Variants in PREX1 observed in about 807,000 individuals in gnomAD.
PREX1 encodes phosphatidylinositol 3,4,5-trisphosphate-dependent Rac exchanger 1 protein.
PREX1 carries 41 observed loss-of-function variants against 198.3 expected under a neutral mutation model. That is an observed-to-expected ratio of 0.21 (90% CI 0.16 to 0.27). PREX1 has a LOEUF of 0.27. Among genes scored for constraint, PREX1 ranks in the 10% least tolerant of loss-of-function variants. The pLI is 1.00. For missense variants in PREX1, 1,620 were observed against 2,200.7 expected, an observed-to-expected ratio of 0.74 and a Z score of 5.28; for synonymous variants, 843 against 887.2, an observed-to-expected ratio of 0.95 and a Z score of 0.89.
chr20:48,635,121 C>T (rs189663052), intron 32 of PREX1, among the ~76,000 whole-genome samples: 25 of 152,308 alleles, frequency 1.6e-4, no homozygotes, highest in African/African-American at 5.8e-4. Context: ...CTCCCCCAGT[C>T]GGTCCCATGT....
intron 30 of PREX1, among the ~76,000 whole-genome samples, chr20:48,639,301 T>C (rs1243656275): frequency 1.3e-5 from 2 of 152,230 alleles, no homozygotes; most frequent in Non-Finnish European, 2.9e-5. Context: ...CAAGTTTCTA[T>C]GTGAGAACCT....
intron 14 of PREX1, among the ~76,000 whole-genome samples, chr20:48,669,493 C>T (rs1238727639): frequency 6.6e-6 from 1 of 152,170 alleles, no homozygotes; most frequent in East Asian, 1.9e-4. Flanking sequence ...CTGCCATGTT[C>T]ACCTCATCAT....
At chr20:48,709,924 C>T (rs577930422) in intron 5 of PREX1, among the ~76,000 whole-genome samples, 2 of 152,332 alleles carry the variant, frequency 1.3e-5, no homozygotes, top group South Asian at 2.1e-4. Context: ...AACAAACATC[C>T]TATTTTCTGA....
intron 1 of PREX1, among the ~76,000 whole-genome samples, chr20:48,823,680 G>A (rs1035685586): frequency 2.0e-5 from 3 of 152,214 alleles, no homozygotes; most frequent in Admixed American, 6.5e-5. Context: ...GAGTCACAGA[G>A]GGCAAGTAAC....
chr20:48,784,976 T>C (rs2090305486), intron 1 of PREX1, among the ~76,000 whole-genome samples: 2 of 152,070 alleles, frequency 1.3e-5, no homozygotes, highest in African/African-American at 4.8e-5. Context: ...TGCAATGGCA[T>C]GATCTCGGCT....
the PREX1 span, among the ~76,000 whole-genome samples, chr20:48,842,323 G>A: frequency 6.6e-6 from 1 of 152,032 alleles, no homozygotes; most frequent in Admixed American, 6.6e-5. Flanking sequence ...GGAAAGCCTT[G>A]ATTAATCTAA....
At chr20:48,810,179 A>G (rs1168846727) in intron 1 of PREX1, among the ~76,000 whole-genome samples, 1 of 152,150 alleles carries the variant, frequency 6.6e-6, no homozygotes, top group Non-Finnish European at 1.5e-5. Flanking sequence ...GAAACCTGCT[A>G]CCTTCCACTT....
Position 48,827,643 on chromosome 20 carries a change from G to A in PREX1, c.218C>T (p.Ser73Leu). 7.6e-7 allele frequency: 1 copy of A among 1,310,626 alleles called. No homozygotes were observed. Among genetic ancestry groups the A allele is most frequent in the South Asian group, 2.4e-5 (1 of 40,900 alleles). 81.2% of individuals were successfully genotyped at this position (1,310,626 alleles called of 1,614,324 possible). The change falls in exon 1 of 40, where the codon TCG (serine) becomes TTG (leucine). Residue 73 changes from serine (S) to leucine (L), a missense_variant and splice_region_variant. This residue lies in a region of PREX1 where 488 missense variants were observed against 802.5 expected (regional missense o/e 0.61). Transcript: ENST00000371941. The surrounding 1 kb of genome is among the most constrained non-coding windows in gnomAD (Gnocchi z 4.1). The part of the protein sequence containing the change: ...DYVGTLRFLQ[S>L]AFLHRIRQNV... Reference sequence around the variant, plus strand: ...CCCAAGCTCCCGAGCGACACTCACCGACTGCAAGAAGCGCAAGGTGCCCAC... The same window carrying A: ...CCCAAGCTCCCGAGCGACACTCACCAACTGCAAGAAGCGCAAGGTGCCCAC...
intron 17 of PREX1, among the ~76,000 whole-genome samples, chr20:48,657,546 T>C (rs1199371063): frequency 1.3e-5 from 2 of 152,174 alleles, no homozygotes; most frequent in Non-Finnish European, 2.9e-5. Context: ...CGAACCAAGA[T>C]TCACAACTGC....
intron 1 of PREX1, among the ~76,000 whole-genome samples, chr20:48,770,177 C>T (rs1018478019): frequency 7.2e-5 from 11 of 152,144 alleles, no homozygotes; most frequent in African/African-American, 2.4e-4. Context: ...GCCCAGGAAG[C>T]GGGCATAAGA....
At chr20:48,824,547 A>G (rs1221104549) in intron 1 of PREX1, among the ~76,000 whole-genome samples, 1 of 152,226 alleles carries the variant, frequency 6.6e-6, no homozygotes, top group Non-Finnish European at 1.5e-5. Flanking sequence ...AACAACAATA[A>G]TAACCAATAT....
chr20:48,853,411 AG>A, the PREX1 span, among the ~76,000 whole-genome samples: 2 of 152,222 alleles, frequency 1.3e-5, no homozygotes, highest in Non-Finnish European at 2.9e-5. Context: ...ACAGGGCATT[AG>A]GAGAGAGAAT....
chr20:48,887,661 T>C, the PREX1 span, among the ~76,000 whole-genome samples: 4 of 150,398 alleles, frequency 2.7e-5, no homozygotes, highest in African/African-American at 9.8e-5. Flanking sequence ...AATAAAATGT[T>C]GTTTGCCGGG....
intron 5 of PREX1, among the ~76,000 whole-genome samples, chr20:48,719,303 A>ACC (rs34646004): frequency 7.9e-5 from 11 of 139,322 alleles, no homozygotes; most frequent in Admixed American, 2.1e-4. Context: ...TGATGGCAGG[A>ACC]CCCCCCCCCC....
At chr20:48,681,678 A>ATGGATGGATGGATG (rs2089751944) in intron 10 of PREX1, among the ~76,000 whole-genome samples, 8 of 150,090 alleles carry the variant, frequency 5.3e-5, no homozygotes, top group African/African-American at 1.2e-4. Flanking sequence ...GTGACTACAT[A>ATGGATGGATGGATG]GATGGATGGA....
rs2089915516 is a variant in PREX1 at position 48,708,782 on chromosome 20, G to C, written c.622-361C>G. On this transcript the variant is annotated intron_variant, in intron 5 of 39. Coordinates refer to ENST00000371941, the MANE Select transcript of PREX1 (RefSeq NM_020820.4). ...GGGCAGGGGGCACCGTGGTGCGAAG[G>C]GTCTGAGGCGGGCACATGTCTGGTA... Among the ~76,000 whole-genome samples the C allele has an allele frequency of 1.3e-5, 2 of 152,120 alleles. 1 individual carries two copies. The highest frequency in any genetic ancestry group is 4.1e-4 in the South Asian group (2 of 4,820).
intron 33 of PREX1, among the ~76,000 whole-genome samples, chr20:48,633,788 A>C (rs1330694873): frequency 6.6e-6 from 1 of 152,112 alleles, no homozygotes; most frequent in East Asian, 1.9e-4. Flanking sequence ...GCTAGGGCCC[A>C]GGGCCCTGGG....
chr20:48,634,752 C>T lies in PREX1; in HGVS notation c.4191G>A (p.Glu1397=). The change falls in exon 33 of 40, where the codon GAG becomes GAA. Residue 1397 remains glutamate, a synonymous_variant. Transcript: ENST00000371941. ...ATVKEERTML[E]DIWVTLSELD... ...GCTCTGACAGCGTCACCCAGATGTC[C>T]TCCAGCATGGTCCGTTCCTCCTTCT... The T allele has an allele frequency of 6.2e-7, 1 of 1,614,182 alleles. No homozygotes were observed.
chr20:48,880,981 TA>T, the PREX1 span, among the ~76,000 whole-genome samples: 1,520 of 20,958 alleles, frequency 0.073, 5 homozygotes, highest in Non-Finnish European at 0.086. Context: ...AAACCATTGC[TA>T]AAAAAAAAAA....
Sources: allele counts gnomAD v4.1 joint callset (sites outside exome capture counted in the v4.1 genomes callset), GRCh38; gene constraint gnomAD v4.1.1; regional missense constraint gnomAD v4.1.1; non-coding constraint Gnocchi (gnomAD v3.1); transcripts MANE v1.5; gene names NCBI Gene and HGNC (gene_info 2026-07-23, HGNC 2026-07-21).